Variants in RRM2B observed in about 807,000 individuals in gnomAD.
RRM2B encodes ribonucleoside-diphosphate reductase subunit M2 B.
RRM2B carries 20 observed loss-of-function variants against 45.9 expected under a neutral mutation model. The ratio of observed to expected loss-of-function variants is 0.44; its 90% CI spans 0.31 to 0.63. The LOEUF is 0.63. Among genes scored for constraint, RRM2B ranks in the 30% least tolerant of loss-of-function variants. The pLI is 0.09. For missense variants in RRM2B, 320 were observed against 414.7 expected (o/e 0.77, Z 1.98); for synonymous variants, 124 against 132.3 (o/e 0.94, Z 0.43).
chr8:102,214,464 C>A, intron 6 of RRM2B: 15 of 278,858 alleles, frequency 5.4e-5, no homozygotes, highest in South Asian at 2.6e-4. Context: ...AGCAAGAAAG[C>A]CTGAAATGAA....
chr8:102,209,770 T>C (rs192165670), intron 8 of RRM2B, among the ~76,000 whole-genome samples: 2 of 151,958 alleles, frequency 1.3e-5, no homozygotes, highest in East Asian at 1.9e-4. Context: ...GGTATATCCA[T>C]ACAGTGGAAT....
chr8:102,212,089 T>G (rs2132543025), intron 8 of RRM2B, among the ~76,000 whole-genome samples: 1 of 152,334 alleles, frequency 6.6e-6, no homozygotes, highest in South Asian at 2.1e-4. Context: ...AGTGTGAGTT[T>G]ATTATGTGTC....
intron 5 of RRM2B, among the ~76,000 whole-genome samples, chr8:102,221,578 G>T (rs890724740): frequency 1.3e-5 from 2 of 152,102 alleles, no homozygotes; most frequent in Admixed American, 6.5e-5. Flanking sequence ...CTCTTTCCCT[G>T]TTCCACTCTA....
intron 1 of RRM2B, among the ~76,000 whole-genome samples, chr8:102,235,611 C>T (rs991616537): frequency 1.3e-5 from 2 of 152,164 alleles, no homozygotes; most frequent in South Asian, 2.1e-4. Context: ...GAGGCCGAGG[C>T]GGGCGGATCA....
chr8:102,223,822 A>G (rs1291070343), intron 5 of RRM2B, among the ~76,000 whole-genome samples: 1 of 152,174 alleles, frequency 6.6e-6, no homozygotes, highest in Non-Finnish European at 1.5e-5. Flanking sequence ...ATGCACTAAC[A>G]TCTTAACTTT....
intron 2 of RRM2B, among the ~76,000 whole-genome samples, chr8:102,229,604 G>A (rs532115219): frequency 1.5e-4 from 21 of 143,480 alleles, no homozygotes; most frequent in South Asian, 4.4e-4. Flanking sequence ...GTTTTTTTTC[G>A]GAGACAGTCT....
rs1810553549 is a variant in RRM2B, at chr8:102,206,938, CT to C, written c.*1194del. 6.6e-6 allele frequency: 1 copy of C among 152,184 alleles called. No individual in the cohort carries two copies. The highest frequency in any genetic ancestry group is 2.4e-5 in the African/African-American group (1 of 41,454). 9.4% of individuals were successfully genotyped at this position (152,184 alleles called of 1,614,324 possible). The stretch of plus-strand genomic sequence containing the variant: ...AAAGAAACACAGCCTAAGTCAATTG[CT>C]GGTACACTATTCAGGCTGGTATAAA... On this transcript the variant is annotated 3_prime_UTR_variant, in exon 9 of 9. Transcript: ENST00000251810.
chr8:102,215,062 A>G (rs1178633745), intron 6 of RRM2B, among the ~76,000 whole-genome samples: 4 of 149,924 alleles, frequency 2.7e-5, no homozygotes, highest in East Asian at 1.9e-4. Flanking sequence ...AAAAAAAAAA[A>G]AAAAAAGAAA....
chr8:102,219,130 G>A, intron 5 of RRM2B, 183 bp from the exon 6 acceptor site: 1 of 622,290 alleles, frequency 1.6e-6, no homozygotes, highest in Non-Finnish European at 2.8e-6. Flanking sequence ...GGAGCAGAAA[G>A]GTATGCCTCC....
At chr8:102,208,559 T>C (rs959493698) in intron 8 of RRM2B, among the ~76,000 whole-genome samples, 4 of 152,192 alleles carry the variant, frequency 2.6e-5, no homozygotes, top group Non-Finnish European at 2.9e-5. Context: ...AATTGAAATA[T>C]TTAATACTAA....
At chr8:102,212,589 C>T (rs1810654077) in intron 8 of RRM2B, among the ~76,000 whole-genome samples, 187 bp downstream of exon 8, 1 of 152,150 alleles carries the variant, frequency 6.6e-6, no homozygotes, top group Admixed American at 6.5e-5. Context: ...TACCAGCCTC[C>T]TACTTCAGTT....
chr8:102,224,410 G>A (rs567302123), intron 4 of RRM2B, among the ~76,000 whole-genome samples: 111 of 152,226 alleles, frequency 7.3e-4, no homozygotes, highest in African/African-American at 2.6e-3. Context: ...TCCTGACCTC[G>A]TGATCCACCT....
In RRM2B at chr8:102,205,756, C is replaced by T. The variant is rs529374843; in HGVS notation, c.*2377G>A. ...ATATTTTTAAAAGATTACACAACTT[C>T]TTGATTCTTTAAGAACTAAGAACCA... On this transcript the variant is annotated 3_prime_UTR_variant, in exon 9 of 9. Transcript: ENST00000251810. 54 of 152,198 alleles carry T rather than the reference C, an allele frequency of 3.5e-4. 1 individual carries two copies. Among genetic ancestry groups the T allele is most frequent in the African/African-American group, 1.3e-3 (53 of 41,552 alleles). The allele number at this position is 152,198 out of a possible 1,614,324, so 9.4% of individuals were successfully genotyped here.
At chr8:102,227,582 C>T (rs1810954371) in intron 2 of RRM2B, among the ~76,000 whole-genome samples, 1 of 152,156 alleles carries the variant, frequency 6.6e-6, no homozygotes, top group African/African-American at 2.4e-5. Flanking sequence ...GAGTACAGGC[C>T]TGAGCCACTG....
rs764799232 is a variant in RRM2B at position 102,208,255 on chromosome 8, T to C, written c.934A>G (p.Met312Val). 2 of 1,583,206 alleles carry C rather than the reference T, an allele frequency of 1.3e-6. No individual in the cohort carries two copies. Among genetic ancestry groups the C allele is most frequent in the Non-Finnish European group, 1.7e-6 (2 of 1,152,550 alleles). ...VFQAENPFDF[M>V]ENISLEGKTN... is the part of the protein sequence containing the mutation. ...TTTCCTTCTAAAGAAATGTTTTCCA[T>C]AAAATCAAAAGGATTTTCTGCCTGA... The change falls in exon 9 of 9, where the codon ATG (methionine) becomes GTG (valine). Residue 312 changes from methionine (M) to valine (V), a missense_variant. Met to Val is a conservative substitution (Grantham distance 21). Coordinates refer to ENST00000251810, the MANE Select transcript of RRM2B (RefSeq NM_015713.5).
At chr8:102,217,044 G>T (rs1214865095) in intron 6 of RRM2B, among the ~76,000 whole-genome samples, 1 of 151,720 alleles carries the variant, frequency 6.6e-6, no homozygotes, top group African/African-American at 2.4e-5. Context: ...TATATGTAAA[G>T]GTATTCATTT....
chr8:102,226,904 C>T (rs1033895302), intron 2 of RRM2B, among the ~76,000 whole-genome samples: 4 of 152,044 alleles, frequency 2.6e-5, no homozygotes, highest in South Asian at 2.1e-4. Flanking sequence ...TTAGTAGAGA[C>T]GGAGTTTCAC....
chr8:102,221,940 C>A (rs2925790), intron 5 of RRM2B, among the ~76,000 whole-genome samples: 15,319 of 152,224 alleles, frequency 0.1, 808 homozygotes, highest in African/African-American at 0.11. Flanking sequence ...AGGGAATCAG[C>A]TGAATACAAA....
intron 2 of RRM2B, among the ~76,000 whole-genome samples, chr8:102,229,458 G>A (rs1281540292): frequency 4.6e-5 from 7 of 152,200 alleles, no homozygotes; most frequent in Non-Finnish European, 8.8e-5. Flanking sequence ...GGGATACAAC[G>A]GAGCAGGGTG....
Sources: gnomAD v4.1 joint callset for allele counts (sites outside exome capture counted in the v4.1 genomes callset) on GRCh38, gnomAD v4.1.1 for gene constraint, MANE v1.5 for transcripts, NCBI Gene and HGNC (gene_info 2026-07-23, HGNC 2026-07-21) for gene names.